Variants in DUSP29 observed in about 807,000 individuals in gnomAD.
DUSP29 encodes atypical dual-specific protein phosphatase.
DUSP29 carries 12 observed loss-of-function variants against 13.5 expected under a neutral mutation model. The observed-to-expected ratio is 0.89, with a 90% CI of 0.57 to 1.44. DUSP29 has a LOEUF of 1.44. Among genes scored for constraint, DUSP29 ranks in the 40% most tolerant of loss-of-function variants. DUSP29 has a pLI of 0.00. For missense variants in DUSP29, 308 were observed against 301.1 expected, an observed-to-expected ratio of 1.02 and a Z score of -0.17; for synonymous variants, 134 against 128.7, an observed-to-expected ratio of 1.04 and a Z score of -0.28.
chr10:75,050,838 C>T (rs960402560), intron 2 of DUSP29, among the ~76,000 whole-genome samples: 3 of 152,238 alleles, frequency 2.0e-5, no homozygotes, highest in African/African-American at 2.4e-5. Flanking sequence ...CCCACCCCTT[C>T]GACCCCTCTG....
chr10:75,049,766 C>T (rs1012842704), intron 2 of DUSP29, among the ~76,000 whole-genome samples: 3 of 152,192 alleles, frequency 2.0e-5, no homozygotes, highest in African/African-American at 2.4e-5. Context: ...ACTGACTTGC[C>T]TTCACTTCAC....
intron 3 of DUSP29, among the ~76,000 whole-genome samples, chr10:75,042,256 T>C (rs1018902156): frequency 3.3e-5 from 5 of 152,238 alleles, no homozygotes; most frequent in Non-Finnish European, 5.9e-5. Flanking sequence ...GTGACAGAAA[T>C]GTAAACCCAG....
intron 2 of DUSP29, among the ~76,000 whole-genome samples, chr10:75,052,743 C>T (rs1302640731): frequency 2.0e-4 from 31 of 152,236 alleles, no homozygotes; most frequent in African/African-American, 7.0e-4. Flanking sequence ...TGAGCCACCA[C>T]GCCTGGCCAA....
chr10:75,047,906 G>GT lies in DUSP29; in HGVS notation c.201-3890dup, dbSNP rs199540230. On this transcript the variant is annotated intron_variant, in intron 2 of 3. Coordinates refer to ENST00000338487, the MANE Select transcript of DUSP29 (RefSeq NM_001003892.3). ...ATAGATTTGTATATTTTATAGAAAG[G>GT]TTTTTTTTTGGTACAATACTATATA... Among the ~76,000 whole-genome samples, 110 of 151,180 alleles carry GT rather than the reference G, an allele frequency of 7.3e-4. 1 individual carries two copies. The East Asian group carries it at 0.02, about 28-fold the overall frequency.
Position 75,052,542 on chromosome 10 carries a change from C to T in DUSP29, c.200+5773G>A, listed in dbSNP as rs1846859261. Reference sequence around the variant, plus strand: ...CAGGATGGTCTCAATCTCCTGACCTCGTAATCCGCCTGCCTCGGCCTCCCA... The same window carrying T: ...CAGGATGGTCTCAATCTCCTGACCTTGTAATCCGCCTGCCTCGGCCTCCCA... On this transcript the variant is annotated intron_variant, in intron 2 of 3. Coordinates refer to ENST00000338487, the MANE Select transcript of DUSP29 (RefSeq NM_001003892.3). Among the ~76,000 whole-genome samples the T allele has an allele frequency of 2.6e-5, 4 of 152,268 alleles. No homozygotes were observed. The South Asian group carries it at 6.2e-4, about 24-fold the overall frequency.
At chr10:75,039,482 C>G (rs1419836430) in intron 3 of DUSP29, among the ~76,000 whole-genome samples, 3 of 152,182 alleles carry the variant, frequency 2.0e-5, no homozygotes, top group Non-Finnish European at 4.4e-5. Context: ...CGCCACTACA[C>G]TCCAGCCGGG....
In DUSP29 at chr10:75,065,802, C is replaced by T. The variant is rs80024057; in HGVS notation, c.-34-7254G>A. Among the ~76,000 whole-genome samples the T allele has an allele frequency of 6.2e-3, 943 of 152,256 alleles. 6 individuals carry two copies. Among genetic ancestry groups the T allele is most frequent in the Middle Eastern group, 0.041 (12 of 294 alleles). On this transcript the variant is annotated intron_variant, in intron 1 of 3. Coordinates refer to ENST00000338487, the MANE Select transcript of DUSP29 (RefSeq NM_001003892.3). ...ATCTCCCAGGTTCAAGGGATCCTCC[C>T]ACCTCAGCCTCTAGAGCAGCTAGGA...
chr10:75,040,902 C>CT (rs1344039407), intron 3 of DUSP29, among the ~76,000 whole-genome samples: 1 of 152,188 alleles, frequency 6.6e-6, no homozygotes, highest in East Asian at 1.9e-4. Context: ...GCCCCAGGGG[C>CT]TGATTACAGC....
intron 1 of DUSP29, among the ~76,000 whole-genome samples, chr10:75,064,215 A>T (rs112393257): frequency 1.2e-4 from 14 of 113,616 alleles, no homozygotes; most frequent in African/African-American, 2.8e-4. Flanking sequence ...TTTTTTTTTT[A>T]AAGTTTTTTT....
chr10:75,063,026 AG>A (rs1044222206), intron 1 of DUSP29, among the ~76,000 whole-genome samples: 9 of 152,206 alleles, frequency 5.9e-5, no homozygotes, highest in African/African-American at 1.9e-4. Context: ...GGGAGGGGCC[AG>A]GCAGATAACA....
intron 1 of DUSP29, among the ~76,000 whole-genome samples, chr10:75,062,849 A>G (rs1399731230): frequency 6.6e-6 from 1 of 152,234 alleles, no homozygotes; most frequent in Non-Finnish European, 1.5e-5. Flanking sequence ...GCTAAATGTC[A>G]TAATGAGAGC....
chr10:75,041,922 G>A (rs1306966146), intron 3 of DUSP29, among the ~76,000 whole-genome samples: 1 of 152,218 alleles, frequency 6.6e-6, no homozygotes, highest in Non-Finnish European at 1.5e-5. Flanking sequence ...GGCAGTGGGG[G>A]CAGACCCTAA....
intron 1 of DUSP29, among the ~76,000 whole-genome samples, chr10:75,061,224 A>ATAGAAATTTAAAAGGAAAGGGTTGAGAC (rs2134300545): frequency 6.6e-6 from 1 of 152,212 alleles, no homozygotes; most frequent in Non-Finnish European, 1.5e-5. Context: ...ATTCTCCATG[A>ATAGAAATTTAAAAGGAAAGGGTTGAGAC]TAGAAATTTA....
At position 75,047,441 on chromosome 10, in the gene DUSP29, A is replaced by T. The variant is rs1250123471; in HGVS notation, c.201-3424T>A. 2.6e-5 allele frequency among the ~76,000 whole-genome samples: 4 copies of T among 152,194 alleles called. No homozygotes were observed. The East Asian group carries it at 7.7e-4, about 29-fold the overall frequency. On this transcript the variant is annotated intron_variant, in intron 2 of 3. Coordinates refer to ENST00000338487, the MANE Select transcript of DUSP29 (RefSeq NM_001003892.3). ...GCAGGCTCAGAGGGTGGTGTCTGAC[A>T]CTAGATTGCTTTGGTTTTGTTTTTA... is the stretch of plus-strand genomic sequence containing the variant.
intron 1 of DUSP29, among the ~76,000 whole-genome samples, chr10:75,063,936 G>A (rs973679352): frequency 6.6e-6 from 1 of 152,104 alleles, no homozygotes; most frequent in Non-Finnish European, 1.5e-5. Context: ...GATGCAAGAG[G>A]CCGAGCAGTA....
intron 2 of DUSP29, among the ~76,000 whole-genome samples, chr10:75,044,406 T>C (rs1439837892): frequency 6.6e-6 from 1 of 152,172 alleles, no homozygotes; most frequent in Non-Finnish European, 1.5e-5. Flanking sequence ...TCCCAACCTC[T>C]GCTCTGAACC....
intron 1 of DUSP29, among the ~76,000 whole-genome samples, chr10:75,061,799 A>T (rs917782545): frequency 2.7e-4 from 41 of 152,064 alleles, no homozygotes; most frequent in Admixed American, 1.8e-3. Flanking sequence ...GGCACGTAAG[A>T]GGTGCTCAGG....
chr10:75,043,716 G>T (rs1846635234), intron 3 of DUSP29, 81 bp downstream of exon 3: 2 of 1,296,660 alleles, frequency 1.5e-6, no homozygotes. Flanking sequence ...GGCGGGGAAG[G>T]GGCGGGGCCT....
chr10:75,050,871 C>T (rs967227029), intron 2 of DUSP29, among the ~76,000 whole-genome samples: 4 of 152,250 alleles, frequency 2.6e-5, no homozygotes, highest in Non-Finnish European at 5.9e-5. Context: ...AGTGAGCACC[C>T]TCCACGTTGC....
Sources: gnomAD v4.1 joint callset for allele counts (sites outside exome capture counted in the v4.1 genomes callset) on GRCh38, gnomAD v4.1.1 for gene constraint, MANE v1.5 for transcripts, NCBI Gene and HGNC (gene_info 2026-07-23, HGNC 2026-07-21) for gene names.